AUTS2: variants seen among roughly 807,000 people sequenced by gnomAD.
The protein encoded by AUTS2 is activator of transcription and developmental regulator AUTS2, also known as autism susceptibility gene 2 protein.
A neutral mutation model predicts 112.4 loss-of-function variants in AUTS2; 17 were observed. The ratio of observed to expected loss-of-function variants is 0.15; its 90% CI spans 0.10 to 0.23. The LOEUF is 0.23. Ranked by LOEUF, AUTS2 falls within the 10% of genes least tolerant of loss-of-function variation. AUTS2 has a pLI of 1.00. For synonymous variants in AUTS2, 751 were observed against 702.7 expected, an observed-to-expected ratio of 1.07 and a Z score of -1.09; for missense variants, 1,510 against 1,701.6, an observed-to-expected ratio of 0.89 and a Z score of 1.98.
chr7:69,658,373 C>T (rs1795638385), intron 1 of AUTS2, among the ~76,000 whole-genome samples: 1 of 152,116 alleles, frequency 6.6e-6, no homozygotes, highest in Admixed American at 6.6e-5. Flanking sequence ...TAAAAGTGTT[C>T]AGTGAAAGTT....
intron 5 of AUTS2, among the ~76,000 whole-genome samples, chr7:70,442,479 C>G (rs1484374278): frequency 6.6e-6 from 1 of 152,010 alleles, no homozygotes; most frequent in Non-Finnish European, 1.5e-5. Flanking sequence ...GGCTGAGTCT[C>G]AGGAGATTTT....
rs556363599 is a variant in AUTS2, at chr7:70,224,347, T to C, written c.660+89776T>C. Among the ~76,000 whole-genome samples, 5 of 70,794 alleles carry C rather than the reference T, an allele frequency of 7.1e-5. No individual in the cohort carries two copies. In the East Asian group the frequency reaches 1.4e-3, roughly 20 times the overall value. 46.4% of individuals were successfully genotyped at this position (70,794 alleles called of 152,430 possible). The stretch of plus-strand genomic sequence containing the variant: ...TACAGTACAGTACAATACAATACAA[T>C]ACAATACAATACAATACAATACAAT... On this transcript the variant is annotated intron_variant, in intron 4 of 18. Coordinates refer to ENST00000342771, the MANE Select transcript of AUTS2 (RefSeq NM_015570.4).
chr7:70,739,180 C>G (rs1379230397), intron 6 of AUTS2, among the ~76,000 whole-genome samples: 1 of 151,530 alleles, frequency 6.6e-6, no homozygotes, highest in Non-Finnish European at 1.5e-5. Context: ...GTGTGCACCA[C>G]TATGCCTGGC....
intron 4 of AUTS2, among the ~76,000 whole-genome samples, chr7:70,295,323 T>C (rs940006274): frequency 2.0e-5 from 3 of 152,202 alleles, no homozygotes; most frequent in Non-Finnish European, 4.4e-5. Context: ...CAAGATGGGC[T>C]GTATCAATCT....
intron 2 of AUTS2, among the ~76,000 whole-genome samples, chr7:69,980,595 TAAAAAA>T (rs111555232): frequency 6.8e-6 from 1 of 146,998 alleles, no homozygotes; most frequent in African/African-American, 2.5e-5. Flanking sequence ...TTGAAACTGT[TAAAAAA>T]AAAAAGTGTA....
intron 1 of AUTS2, among the ~76,000 whole-genome samples, chr7:69,683,769 G>T (rs1258518884): frequency 2.0e-5 from 3 of 151,890 alleles, no homozygotes; most frequent in Non-Finnish European, 4.4e-5. Context: ...AAATTGGTCT[G>T]GCATGGTAGT....
chr7:69,779,053 A>ATT (rs1789028470), intron 1 of AUTS2, among the ~76,000 whole-genome samples: 1 of 109,726 alleles, frequency 9.1e-6, no homozygotes, highest in Non-Finnish European at 1.7e-5. Context: ...TTTTTTTTAA[A>ATT]AAAAAAAAAA....
chr7:70,399,874 A>G (rs994958150), intron 4 of AUTS2, among the ~76,000 whole-genome samples: 3 of 152,214 alleles, frequency 2.0e-5, no homozygotes, highest in Non-Finnish European at 4.4e-5. Flanking sequence ...AGAATAGCCA[A>G]CTAGACTCAG....
At chr7:69,820,373 A>G (rs1214521290) in intron 1 of AUTS2, among the ~76,000 whole-genome samples, 1 of 152,212 alleles carries the variant, frequency 6.6e-6, no homozygotes, top group African/African-American at 2.4e-5. Context: ...GACAAGGAGC[A>G]CCCTAATTCT....
intron 5 of AUTS2, among the ~76,000 whole-genome samples, chr7:70,508,401 C>T (rs1799055180): frequency 6.6e-6 from 1 of 151,994 alleles, no homozygotes; most frequent in Non-Finnish European, 1.5e-5. Flanking sequence ...TTCACAGTGC[C>T]GAGCATTTGA....
At chr7:70,590,136 G>A (rs558492964) in intron 5 of AUTS2, among the ~76,000 whole-genome samples, 1 of 120,700 alleles carries the variant, frequency 8.3e-6, no homozygotes, top group Admixed American at 7.9e-5. Context: ...GTGTGTGTGT[G>A]TGTGTGTGTG....
chr7:70,260,915 A>G (rs907915416), intron 4 of AUTS2, among the ~76,000 whole-genome samples: 2 of 151,926 alleles, frequency 1.3e-5, no homozygotes, highest in Non-Finnish European at 2.9e-5. Context: ...ACAGCTGGCT[A>G]ATTTTTGTAT....
chr7:70,059,100 G>T (rs1421798853), intron 2 of AUTS2, among the ~76,000 whole-genome samples: 1 of 152,046 alleles, frequency 6.6e-6, no homozygotes, highest in Non-Finnish European at 1.5e-5. Context: ...AATATAAAAC[G>T]GCATGTACTC....
Position 70,721,586 on chromosome 7 carries a change from G to A in AUTS2, c.742+22966G>A, listed in dbSNP as rs1786682642. Among the ~76,000 whole-genome samples the A allele has an allele frequency of 2.0e-5, 3 of 152,150 alleles. No individual in the cohort carries two copies. In the South Asian group the frequency reaches 6.2e-4, roughly 32 times the overall value. The stretch of plus-strand genomic sequence containing the variant: ...ATTTATCCAGTGATCAGGTATTTGA[G>A]TGCCTACCTGACATTGTCTGAGAGA... On this transcript the variant is annotated intron_variant, in intron 6 of 18. Transcript: ENST00000342771.
chr7:69,623,162 C>G (rs972997475), intron 1 of AUTS2, among the ~76,000 whole-genome samples: 1 of 152,110 alleles, frequency 6.6e-6, no homozygotes, highest in African/African-American at 2.4e-5. Context: ...GACCCTGTGT[C>G]TGATCTACTA....
intron 5 of AUTS2, among the ~76,000 whole-genome samples, chr7:70,689,945 C>G (rs1441622421): frequency 6.6e-6 from 1 of 152,126 alleles, no homozygotes; most frequent in Non-Finnish European, 1.5e-5. Flanking sequence ...GCCATTGTGG[C>G]CCTAATAAAA....
intron 1 of AUTS2, among the ~76,000 whole-genome samples, chr7:69,675,404 A>G (rs1340682886): frequency 6.6e-6 from 1 of 151,802 alleles, no homozygotes; most frequent in East Asian, 1.9e-4. Context: ...TTTTTAACAG[A>G]TTCATCTAGA....
intron 4 of AUTS2, among the ~76,000 whole-genome samples, chr7:70,253,333 G>A (rs551872614): frequency 5.1e-4 from 77 of 152,282 alleles, no homozygotes; most frequent in African/African-American, 1.8e-3. Flanking sequence ...ACTAGGTGGT[G>A]TTGATTTTTT....
At chr7:70,535,717 T>C (rs1212907661) in intron 5 of AUTS2, among the ~76,000 whole-genome samples, 2 of 152,118 alleles carry the variant, frequency 1.3e-5, no homozygotes, top group African/African-American at 4.8e-5. Flanking sequence ...GCCCAGCCTG[T>C]TGTGTTGTTT....
Sources: gnomAD v4.1 joint callset for allele counts (sites outside exome capture counted in the v4.1 genomes callset) on GRCh38, gnomAD v4.1.1 for gene constraint, MANE v1.5 for transcripts, NCBI Gene and HGNC (gene_info 2026-07-23, HGNC 2026-07-21) for gene names.